Variants in ANXA4 observed in about 807,000 individuals in gnomAD.
The protein encoded by ANXA4 is annexin A4.
In ANXA4, 39 loss-of-function variants were observed where a neutral mutation model predicts 49.8. That is an observed-to-expected ratio of 0.78 (90% CI 0.61 to 1.02). The LOEUF (loss-of-function observed/expected upper bound fraction) is 1.02. Among genes scored for constraint, ANXA4 ranks in the 50% least tolerant of loss-of-function variants. The pLI, the probability that ANXA4 is intolerant of heterozygous loss-of-function variation, is 0.00. For missense variants in ANXA4, 360 were observed against 410.1 expected (o/e 0.88, Z 1.05); for synonymous variants, 134 against 152.5 (o/e 0.88, Z 0.89).
intron 12 of ANXA4, among the ~76,000 whole-genome samples, chr2:69,824,646 G>A (rs979569801): frequency 1.3e-5 from 2 of 152,044 alleles, no homozygotes; most frequent in Admixed American, 6.5e-5. Context: ...TTATAATAGT[G>A]AAAAATTGAA....
intron 2 of ANXA4, among the ~76,000 whole-genome samples, chr2:69,719,151 T>G (rs1438063505): frequency 1.3e-5 from 2 of 151,932 alleles, no homozygotes; most frequent in African/African-American, 4.8e-5. Context: ...TAATTTTTTG[T>G]ATTTTTAGTA....
chr2:69,698,723 G>A (rs899820257), intron 2 of ANXA4, among the ~76,000 whole-genome samples: 1 of 152,090 alleles, frequency 6.6e-6, no homozygotes, highest in African/African-American at 2.4e-5. Flanking sequence ...ATCATGAGGG[G>A]GATTCAATTC....
intron 3 of ANXA4, among the ~76,000 whole-genome samples, chr2:69,802,759 G>T (rs535825123): frequency 6.6e-6 from 1 of 151,736 alleles, no homozygotes; most frequent in Non-Finnish European, 1.5e-5. Context: ...AGCTTGGCTT[G>T]ACTGGGGGGA....
chr2:69,663,648 A>G (rs1363864723), intron 2 of ANXA4, among the ~76,000 whole-genome samples: 3 of 152,012 alleles, frequency 2.0e-5, no homozygotes, highest in Non-Finnish European at 4.4e-5. Context: ...AGCCTGGGTG[A>G]CATAGAGAGA....
chr2:69,789,809 C>T (rs567301381), intron 3 of ANXA4, among the ~76,000 whole-genome samples: 1 of 152,236 alleles, frequency 6.6e-6, no homozygotes, highest in Admixed American at 6.5e-5. Flanking sequence ...GACTCTTATT[C>T]TGTGTTTCTT....
At chr2:69,738,277 T>G (rs1670294448), upstream of ANXA4, among the ~76,000 whole-genome samples, 1 of 152,090 alleles carries the variant, frequency 6.6e-6, no homozygotes, top group Non-Finnish European at 1.5e-5. Context: ...GCATAAATGA[T>G]TACATCTCTT....
intron 1 of ANXA4, among the ~76,000 whole-genome samples, chr2:69,776,092 A>G (rs1671954256): frequency 6.6e-6 from 1 of 151,932 alleles, no homozygotes; most frequent in Non-Finnish European, 1.5e-5. Context: ...CTCCTGCCTC[A>G]GCCTCCTGAG....
At chr2:69,811,413 G>A (rs968994332) in intron 7 of ANXA4, 14 of 152,334 alleles carry the variant, frequency 9.2e-5, no homozygotes, top group African/African-American at 2.2e-4. Context: ...TAATAGTGAC[G>A]TGTAGGATGA....
intron 2 of ANXA4, among the ~76,000 whole-genome samples, chr2:69,711,470 T>C (rs1195307148): frequency 2.6e-5 from 4 of 152,206 alleles, no homozygotes; most frequent in South Asian, 4.1e-4. Context: ...TATAAATCCA[T>C]TTATATGATA....
chr2:69,717,638 G>C (rs540418716), intron 2 of ANXA4, among the ~76,000 whole-genome samples: 1 of 152,098 alleles, frequency 6.6e-6, no homozygotes, highest in African/African-American at 2.4e-5. Flanking sequence ...TTAACTCCAC[G>C]TATCTAACTG....
At chr2:69,777,815 G>A (rs545609854) in intron 1 of ANXA4, among the ~76,000 whole-genome samples, 19 of 152,236 alleles carry the variant, frequency 1.2e-4, no homozygotes, top group African/African-American at 3.6e-4. Flanking sequence ...CTTCCGGATC[G>A]CCCTGCCCAG....
chr2:69,660,423 G>A (rs752592444), intron 2 of ANXA4, among the ~76,000 whole-genome samples: 10 of 151,872 alleles, frequency 6.6e-5, no homozygotes, highest in Non-Finnish European at 1.2e-4. Flanking sequence ...GAAAAACAGC[G>A]TAAAACACAA....
At chr2:69,691,524 A>G (rs555182876) in intron 2 of ANXA4, among the ~76,000 whole-genome samples, 2 of 152,166 alleles carry the variant, frequency 1.3e-5, no homozygotes, top group African/African-American at 4.8e-5. Flanking sequence ...TGATAGGCTC[A>G]GAGTTAAAAA....
In ANXA4 at chr2:69,825,518, T is replaced by A. The variant is rs756485479; in HGVS notation, c.*3T>A. 1.2e-6 allele frequency: 2 copies of A among 1,606,412 alleles called. No homozygotes were observed. Among genetic ancestry groups the A allele is most frequent in the African/African-American group, 1.3e-5 (1 of 74,322 alleles). ...TTCTCTGTGGAGGAGATGATTAAAA[T>A]AAAAATCCCAGAAGGACAGGAGGAT... On this transcript the variant is annotated 3_prime_UTR_variant, in exon 13 of 13. Transcript: ENST00000394295.
intron 2 of ANXA4, among the ~76,000 whole-genome samples, chr2:69,712,041 C>G (rs1260334460): frequency 6.6e-6 from 1 of 151,876 alleles, no homozygotes; most frequent in Admixed American, 6.6e-5. Context: ...TTTTTCTCTT[C>G]ATTCTCTTGG....
intron 3 of ANXA4, among the ~76,000 whole-genome samples, chr2:69,731,308 C>G (rs1213909737): frequency 6.6e-6 from 1 of 152,208 alleles, no homozygotes. Context: ...GTGGACTTTT[C>G]TATCCATCTG....
intron 1 of ANXA4, among the ~76,000 whole-genome samples, chr2:69,742,786 C>T (rs7424572): frequency 4.8e-4 from 73 of 151,934 alleles, no homozygotes; most frequent in Non-Finnish European, 8.5e-4. Context: ...GCTTCTCAAC[C>T]ATTTACCGGC....
chr2:69,643,840 G>A (rs1675878065), upstream of ANXA4: 1 of 1,181,490 alleles, frequency 8.5e-7, no homozygotes, highest in Non-Finnish European at 1.0e-6. Flanking sequence ...GCGCGGCGAG[G>A]GACCGGGGCC....
At chr2:69,643,978 G>T, upstream of ANXA4, 1 of 869,118 alleles carries the variant, frequency 1.2e-6, no homozygotes, top group Non-Finnish European at 1.4e-6. Flanking sequence ...GAGCCGCAGG[G>T]CAAGCTGGGA....
Sources: gnomAD v4.1 joint callset for allele counts (sites outside exome capture counted in the v4.1 genomes callset) on GRCh38, gnomAD v4.1.1 for gene constraint, MANE v1.5 for transcripts, NCBI Gene and HGNC (gene_info 2026-07-23, HGNC 2026-07-21) for gene names.